The following SUMF2 variants were observed in gnomAD, a reference collection of about 807,000 sequenced individuals.
SUMF2 encodes inactive C-alpha-formylglycine-generating enzyme 2.
Under a neutral mutation model 44.8 loss-of-function variants are expected in SUMF2, and 45 were observed. That is an observed-to-expected ratio of 1.00 (90% CI 0.79 to 1.29). The LOEUF is 1.29. Ranked by LOEUF, SUMF2 falls within the 50% of genes most tolerant of loss-of-function variation. The pLI is 0.00. For missense variants in SUMF2, 418 were observed against 389.9 expected, an observed-to-expected ratio of 1.07 and a Z score of -0.61; for synonymous variants, 148 against 150.4, an observed-to-expected ratio of 0.98 and a Z score of 0.12.
rs71015184 is a variant in SUMF2 at position 56,080,260 on chromosome 7, C to CTTT, written c.*669_*671dup. On this transcript the variant is annotated 3_prime_UTR_variant, in exon 9 of 9. Coordinates refer to ENST00000434526, the MANE Select transcript of SUMF2 (RefSeq NM_015411.4). ...AGACAAATATCAGAAGCTTCCTATTCTTTTTTTTTTTTTTTTTTTTTTTGA... is the reference window on the plus strand; with the variant it reads ...AGACAAATATCAGAAGCTTCCTATTCTTTTTTTTTTTTTTTTTTTTTTTTTTGA... 2.6e-3 allele frequency: 276 copies of CTTT among 105,420 alleles called. 1 individual carries two copies. The highest frequency in any genetic ancestry group is 7.7e-3 in the African/African-American group (209 of 27,084). 6.5% of individuals were successfully genotyped at this position (105,420 alleles called of 1,614,324 possible).
intron 5 of SUMF2, among the ~76,000 whole-genome samples, chr7:56,076,127 C>T (rs1302371867): frequency 2.7e-5 from 4 of 150,578 alleles, no homozygotes; most frequent in African/African-American, 4.9e-5. Context: ...CCCGGGTTCA[C>T]GCCATTCTCC....
At chr7:56,087,524 C>T in the SUMF2 span, 26 of 1,466,036 alleles carry the variant, frequency 1.8e-5, no homozygotes, top group Non-Finnish European at 2.4e-5. Context: ...GGTGGGGCCA[C>T]ACTCCCTGGC....
chr7:56,086,933 C>T, the SUMF2 span: 1 of 1,557,848 alleles, frequency 6.4e-7, no homozygotes, highest in Non-Finnish European at 8.9e-7. Context: ...GTCGGAGGTT[C>T]TCTCAGGTGT....
chr7:56,079,781 A>C lies in SUMF2; in HGVS notation c.*169A>C. The C allele has an allele frequency of 6.4e-7, 1 of 1,555,350 alleles. No individual in the cohort carries two copies. Among genetic ancestry groups the C allele is most frequent in the Middle Eastern group, 1.7e-4 (1 of 5,994 alleles). ...GCGCCTCTCACCAGGGCAGGAGAGG[A>C]CTCAGCCTCCTGTGTTTTGGAGAAG... is the stretch of plus-strand genomic sequence containing the variant. On this transcript the variant is annotated 3_prime_UTR_variant, in exon 9 of 9. Coordinates refer to ENST00000434526, the MANE Select transcript of SUMF2 (RefSeq NM_015411.4).
chr7:56,072,966 C>T (rs1383712901), intron 2 of SUMF2, 31 bp from the exon 3 acceptor site: 1 of 1,574,976 alleles, frequency 6.3e-7, no homozygotes, highest in Admixed American at 1.7e-5. Flanking sequence ...AGAACCTCAC[C>T]AGCTGAACCA....
intron 1 of SUMF2, 136 bp downstream of exon 1, chr7:56,064,514 G>A (rs1794614894): frequency 1.6e-6 from 2 of 1,281,734 alleles, no homozygotes; most frequent in Non-Finnish European, 2.1e-6. Flanking sequence ...GTAGCTCTCG[G>A]TGCGCGTGGC....
the SUMF2 span, among the ~76,000 whole-genome samples, chr7:56,086,090 C>T: frequency 4.0e-5 from 6 of 151,524 alleles, no homozygotes; most frequent in Non-Finnish European, 7.4e-5. Context: ...ACCGACCTTA[C>T]ATCCTGCCAC....
chr7:56,078,941 G>T lies in SUMF2; in HGVS notation c.821+433G>T, dbSNP rs145138273. 4,310 of 531,836 alleles carry T rather than the reference G, an allele frequency of 8.1e-3. 39 individuals are homozygous for T. The highest frequency in any genetic ancestry group is 0.011 in the Non-Finnish European group (3,119 of 296,012). 32.9% of individuals were successfully genotyped at this position (531,836 alleles called of 1,614,324 possible). On this transcript the variant is annotated intron_variant, in intron 8 of 8. Coordinates refer to ENST00000434526, the MANE Select transcript of SUMF2 (RefSeq NM_015411.4). ...AGACAGAGTCTTGCTCTGTTGTCCAGGCTGGAGTGCAGTGGCACAGTCTCA... is the reference window on the plus strand; with the variant it reads ...AGACAGAGTCTTGCTCTGTTGTCCATGCTGGAGTGCAGTGGCACAGTCTCA...
rs768027132 is a variant in SUMF2, at chr7:56,064,310, T to A, written c.-2T>A. The A allele has an allele frequency of 1.3e-5, 21 of 1,590,560 alleles. No individual in the cohort carries two copies. Among genetic ancestry groups the A allele is most frequent in the Admixed American group, 1.8e-5 (1 of 56,078 alleles). ...TGTACGCGGCGCAGCGCGGCAGTCCTGATGGCCCGGCATGGGTTACCGCTG... is the reference window on the plus strand; with the variant it reads ...TGTACGCGGCGCAGCGCGGCAGTCCAGATGGCCCGGCATGGGTTACCGCTG... On this transcript the variant is annotated 5_prime_UTR_variant, in exon 1 of 9. Transcript: ENST00000434526.
At chr7:56,071,660 C>G (rs1795158800) in intron 2 of SUMF2, among the ~76,000 whole-genome samples, 1 of 149,694 alleles carries the variant, frequency 6.7e-6, no homozygotes, top group Non-Finnish European at 1.5e-5. Context: ...TGGCATACAC[C>G]TGTAATCCCA....
chr7:56,080,716 AG>A (rs1459124467), downstream of SUMF2: 3 of 337,200 alleles, frequency 8.9e-6, no homozygotes. Context: ...AAGGGAAGAA[AG>A]CCTGAGTGTC....
At chr7:56,083,609 C>T (rs1170816776), downstream of SUMF2, 3 of 1,549,920 alleles carry the variant, frequency 1.9e-6, no homozygotes. Context: ...GGCCCTAAGC[C>T]ACGTGGGAGG....
Position 56,073,261 on chromosome 7 carries a change from A to G in SUMF2, c.339+150A>G, listed in dbSNP as rs2117448071. 4.2e-6 allele frequency: 3 copies of G among 707,348 alleles called. No individual in the cohort carries two copies. The South Asian group carries it at 4.5e-5, about 11-fold the overall frequency. 43.8% of individuals were successfully genotyped at this position (707,348 alleles called of 1,614,324 possible). On this transcript the variant is annotated intron_variant, in intron 3 of 8. Transcript: ENST00000434526. ...CAAGAGAAACTCACCATGGAGCGTC[A>G]GATCAGTACACACTCCCAGGAAGTT... is the stretch of plus-strand genomic sequence containing the variant.
intron 8 of SUMF2, among the ~76,000 whole-genome samples, chr7:56,078,715 C>T (rs1562871199): frequency 6.6e-6 from 1 of 152,132 alleles, no homozygotes; most frequent in Admixed American, 6.6e-5. Context: ...ACCCAGGACA[C>T]CTTGTGACTC....
chr7:56,066,337 A>G (rs77914154), intron 1 of SUMF2, among the ~76,000 whole-genome samples: 1,624 of 152,274 alleles, frequency 0.011, 31 homozygotes, highest in African/African-American at 0.036. Flanking sequence ...AGAGACCTAA[A>G]TCTAGTCCTG....
intron 1 of SUMF2, among the ~76,000 whole-genome samples, chr7:56,067,339 G>C (rs767930855): frequency 6.6e-6 from 1 of 151,690 alleles, no homozygotes; most frequent in Non-Finnish European, 1.5e-5. Context: ...TTTTGAGACA[G>C]GGTCTCACTC....
the SUMF2 span, chr7:56,087,888 C>A: frequency 1.2e-6 from 1 of 807,960 alleles, no homozygotes; most frequent in Non-Finnish European, 2.0e-6. Flanking sequence ...ACACTTTCCC[C>A]CAACTTCCTC....
downstream of SUMF2, chr7:56,083,343 T>G: frequency 1.2e-6 from 2 of 1,614,140 alleles, no homozygotes; most frequent in Non-Finnish European, 1.7e-6. Context: ...GATGTTCATG[T>G]TGTCATCCAA....
chr7:56,081,525 A>T, downstream of SUMF2: 3 of 1,380,848 alleles, frequency 2.2e-6, no homozygotes, highest in Non-Finnish European at 3.0e-6. The surrounding 1 kb of genome is among the most constrained non-coding windows in gnomAD (Gnocchi z 4.6). Flanking sequence ...GAGGGGAGGG[A>T]TGGGTACTCT....
Sources: gnomAD v4.1 joint callset for allele counts (sites outside exome capture counted in the v4.1 genomes callset) on GRCh38, gnomAD v4.1.1 for gene constraint, Gnocchi (gnomAD v3.1) non-coding constraint, MANE v1.5 for transcripts, NCBI Gene and HGNC (gene_info 2026-07-23, HGNC 2026-07-21) for gene names.